Variants in DNAJC3 observed in about 807,000 individuals in gnomAD.
DNAJC3 encodes the protein DnaJ heat shock protein family (Hsp40) member C3.
Under a neutral mutation model 68.6 loss-of-function variants are expected in DNAJC3, and 38 were observed. The ratio of observed to expected loss-of-function variants is 0.55; its 90% CI spans 0.43 to 0.73. DNAJC3 has a LOEUF of 0.73. Among genes scored for constraint, DNAJC3 ranks in the 30% least tolerant of loss-of-function variants. DNAJC3 has a pLI of 0.00. For missense variants in DNAJC3, 526 were observed against 591.9 expected, an observed-to-expected ratio of 0.89 and a Z score of 1.16; for synonymous variants, 203 against 204.0, an observed-to-expected ratio of 1.00 and a Z score of 0.04.
At chr13:95,719,540 G>A (rs1028568973) in intron 2 of DNAJC3, among the ~76,000 whole-genome samples, 1 of 152,114 alleles carries the variant, frequency 6.6e-6, no homozygotes, top group Non-Finnish European at 1.5e-5. Flanking sequence ...AAACTATCTA[G>A]TGCCCAGCTG....
rs1883761652 is a variant in DNAJC3, at chr13:95,791,178, C to T, written c.*148C>T. 1.1e-6 allele frequency: 1 copy of T among 909,058 alleles called. No individual in the cohort carries two copies. 56.3% of individuals were successfully genotyped at this position (909,058 alleles called of 1,614,324 possible). On this transcript the variant is annotated 3_prime_UTR_variant, in exon 12 of 12. Coordinates refer to ENST00000602402, the MANE Select transcript of DNAJC3 (RefSeq NM_006260.5). The stretch of plus-strand genomic sequence containing the variant: ...TTAATAGGAAAAAATCTGTTCTTAT[C>T]CCTGTCAGATTTATGGTTAATGGGT...
At chr13:95,683,975 T>TA (rs1467055466) in intron 1 of DNAJC3, among the ~76,000 whole-genome samples, 2 of 152,082 alleles carry the variant, frequency 1.3e-5, no homozygotes, top group African/African-American at 4.8e-5. Context: ...GGTATTTCTT[T>TA]ATAGCAATGT....
intron 4 of DNAJC3, among the ~76,000 whole-genome samples, chr13:95,734,897 C>T (rs1392179340): frequency 5.5e-3 from 817 of 148,910 alleles, no homozygotes; most frequent in Non-Finnish European, 7.2e-3. Flanking sequence ...TATACATGTG[C>T]CATGCTGGTG....
chr13:95,708,733 T>G (rs900931663), intron 1 of DNAJC3, among the ~76,000 whole-genome samples: 9 of 152,212 alleles, frequency 5.9e-5, no homozygotes, highest in African/African-American at 1.7e-4. Flanking sequence ...TTTACTTATT[T>G]ATCATGTCTG....
intron 9 of DNAJC3, among the ~76,000 whole-genome samples, chr13:95,765,938 T>C (rs1215956804): frequency 1.3e-5 from 2 of 152,050 alleles, no homozygotes; most frequent in African/African-American, 2.4e-5. Context: ...AGAGAGAGAA[T>C]AGTTGCCAGC....
rs773641503 is a variant in DNAJC3, at chr13:95,791,006, T to C, written c.1491T>C (p.Phe497=). The change falls in exon 12 of 12, where the codon TTT becomes TTC. Residue 497 remains phenylalanine, a synonymous_variant. Coordinates refer to ENST00000602402, the MANE Select transcript of DNAJC3 (RefSeq NM_006260.5). ...ATCCCTTCAGCTCAGGCGGACCATTTAGATTTAAATTCCACTTCAATTAAA... is the reference window on the plus strand; with the variant it reads ...ATCCCTTCAGCTCAGGCGGACCATTCAGATTTAAATTCCACTTCAATTAAA... ...GFNPFSSGGP[F]RFKFHFN The C allele has an allele frequency of 3.1e-6, 5 of 1,613,812 alleles. No homozygotes were observed. In the East Asian group the frequency reaches 1.1e-4, roughly 36 times the overall value.
At chr13:95,727,560 T>C (rs1259820339) in intron 4 of DNAJC3, among the ~76,000 whole-genome samples, 1 of 152,196 alleles carries the variant, frequency 6.6e-6, no homozygotes, top group Non-Finnish European at 1.5e-5. Context: ...CTGAGATAAT[T>C]GTAGATTTTC....
intron 4 of DNAJC3, among the ~76,000 whole-genome samples, chr13:95,749,792 G>C (rs1882417754): frequency 6.6e-6 from 1 of 152,042 alleles, no homozygotes; most frequent in African/African-American, 2.4e-5. Context: ...GCTCACACCT[G>C]TAATCCCAGC....
At chr13:95,765,025 A>G (rs1201481815) in intron 9 of DNAJC3, among the ~76,000 whole-genome samples, 2 of 152,112 alleles carry the variant, frequency 1.3e-5, no homozygotes, top group African/African-American at 4.8e-5. Context: ...TCAATTAGAA[A>G]AGAATCTTGC....
At chr13:95,696,497 C>T (rs192931584) in intron 1 of DNAJC3, among the ~76,000 whole-genome samples, 2 of 152,274 alleles carry the variant, frequency 1.3e-5, no homozygotes, top group East Asian at 3.9e-4. Flanking sequence ...GGAGCACTGT[C>T]ATGCATTTGG....
intron 1 of DNAJC3, among the ~76,000 whole-genome samples, chr13:95,697,926 C>G (rs928268208): frequency 6.6e-6 from 1 of 150,548 alleles, no homozygotes; most frequent in Admixed American, 6.7e-5. Flanking sequence ...TGAATTCTTT[C>G]TCTCATTTCT....
intron 4 of DNAJC3, among the ~76,000 whole-genome samples, chr13:95,747,724 A>G (rs1282313364): frequency 6.6e-6 from 1 of 152,230 alleles, no homozygotes. Flanking sequence ...AGACTGTTGC[A>G]GTAAATAAGT....
intron 1 of DNAJC3, among the ~76,000 whole-genome samples, chr13:95,684,565 A>G (rs142441253): frequency 1.3e-5 from 2 of 152,370 alleles, no homozygotes; most frequent in East Asian, 3.9e-4. Context: ...GAGTAATTCA[A>G]GCAGACTGCA....
intron 1 of DNAJC3, among the ~76,000 whole-genome samples, chr13:95,686,121 C>T (rs1161909563): frequency 6.6e-6 from 1 of 152,094 alleles, no homozygotes; most frequent in African/African-American, 2.4e-5. Flanking sequence ...GCCACCATGC[C>T]CGGCTAATTT....
Position 95,677,306 on chromosome 13 carries a change from C to G in DNAJC3, c.51C>G (p.Phe17Leu). 1 of 1,600,304 alleles carries G rather than the reference C, an allele frequency of 6.2e-7. No homozygotes were observed. Among genetic ancestry groups the G allele is most frequent in the Non-Finnish European group, 8.5e-7 (1 of 1,174,758 alleles). Residue 17 changes from phenylalanine (F) to leucine (L), a missense_variant, in exon 1 of 12, where the codon TTC becomes TTG. By Grantham distance (22) the Phe-to-Leu change is conservative (BLOSUM62 0). Coordinates refer to ENST00000602402, the MANE Select transcript of DNAJC3 (RefSeq NM_006260.5). The part of the protein sequence containing the change: ...VTSRLGSVFP[F>L]LLVLVDLQYE... ...GCCGGCTGGGCTCGGTATTCCCCTT[C>G]CTGCTAGTCCTGGTGGATCTGCAGT...
chr13:95,748,745 G>A (rs1175966409), intron 4 of DNAJC3, among the ~76,000 whole-genome samples: 1 of 152,146 alleles, frequency 6.6e-6, no homozygotes, highest in Non-Finnish European at 1.5e-5. Context: ...GAACCTGGGA[G>A]GGAAAGGTTG....
intron 4 of DNAJC3, among the ~76,000 whole-genome samples, chr13:95,757,223 T>C (rs1566502167): frequency 6.6e-6 from 1 of 152,158 alleles, no homozygotes; most frequent in Non-Finnish European, 1.5e-5. Context: ...CCCTATGTGT[T>C]TCATTATTTT....
intron 9 of DNAJC3, among the ~76,000 whole-genome samples, chr13:95,783,329 A>C (rs1883507401): frequency 6.6e-6 from 1 of 152,216 alleles, no homozygotes; most frequent in South Asian, 2.1e-4. Context: ...TTTAATACAA[A>C]TACGATACAA....
rs1368764008 is a variant in DNAJC3 at position 95,792,515 on chromosome 13, A to G, written c.*1485A>G. ...TGTGGGAGGCATCCTGACCACGGAC[A>G]TCCATAACAGCAAAGCACAAATCGT... On this transcript the variant is annotated 3_prime_UTR_variant, in exon 12 of 12. Coordinates refer to ENST00000602402, the MANE Select transcript of DNAJC3 (RefSeq NM_006260.5). 6.6e-6 allele frequency: 1 copy of G among 152,232 alleles called. No individual in the cohort carries two copies. The highest frequency in any genetic ancestry group is 1.5e-5 in the Non-Finnish European group (1 of 68,032). The allele number at this position is 152,232 out of a possible 1,614,324, so 9.4% of individuals were successfully genotyped here.
Sources: allele counts gnomAD v4.1 joint callset (sites outside exome capture counted in the v4.1 genomes callset), GRCh38; gene constraint gnomAD v4.1.1; transcripts MANE v1.5; gene names NCBI Gene and HGNC (gene_info 2026-07-23, HGNC 2026-07-21).